The following ACSL5 variants were observed in gnomAD, a reference collection of about 807,000 sequenced individuals.
The protein encoded by ACSL5 is long-chain-fatty-acid--CoA ligase 5.
In ACSL5, 50 loss-of-function variants were observed where a neutral mutation model predicts 84.9. The observed-to-expected ratio is 0.59, with a 90% CI of 0.47 to 0.75. The LOEUF (loss-of-function observed/expected upper bound fraction) is 0.75. Among genes scored for constraint, ACSL5 ranks in the 30% least tolerant of loss-of-function variants. ACSL5 has a pLI of 0.00. For synonymous variants in ACSL5, 280 were observed against 300.7 expected (o/e 0.93, Z 0.71); for missense variants, 775 against 830.4 (o/e 0.93, Z 0.82).
chr10:112,422,244 G>A, intron 16 of ACSL5, 81 bp from the exon 17 acceptor site: 4 of 1,225,418 alleles, frequency 3.3e-6, no homozygotes, highest in Non-Finnish European at 4.7e-6. Flanking sequence ...ATGATTTAAG[G>A]GGAGCAGGTG....
At position 112,374,151 on chromosome 10, in the gene ACSL5, C is replaced by G. The variant is rs1849198495; in HGVS notation, c.-148C>G. The G allele has an allele frequency of 6.6e-6, 1 of 152,122 alleles. No individual in the cohort carries two copies. Among genetic ancestry groups the G allele is most frequent in the Non-Finnish European group, 1.5e-5 (1 of 68,050 alleles). The allele number at this position is 152,122 out of a possible 1,614,324, so 9.4% of individuals were successfully genotyped here. A position where few individuals can be genotyped will look rare whatever the true frequency, so the allele number is the denominator to read the frequency against. On this transcript the variant is annotated 5_prime_UTR_variant, in exon 1 of 21. Transcript: ENST00000354655. ...CAGTACACAGTAGCTTCGGGTGTGTCCCAGTCAGTCCTAGGAGCTGTGGAA... is the reference window on the plus strand; with the variant it reads ...CAGTACACAGTAGCTTCGGGTGTGTGCCAGTCAGTCCTAGGAGCTGTGGAA...
At chr10:112,416,033 T>C (rs1844305586) in intron 12 of ACSL5, among the ~76,000 whole-genome samples, 3 of 152,100 alleles carry the variant, frequency 2.0e-5, no homozygotes, top group African/African-American at 7.2e-5. Context: ...GAAATCATTT[T>C]AGTAGGAAGG....
intron 3 of ACSL5, among the ~76,000 whole-genome samples, chr10:112,401,947 T>TTCTCTCTC (rs57651640): frequency 7.1e-6 from 1 of 140,372 alleles, no homozygotes; most frequent in Admixed American, 7.5e-5. Context: ...TTCTCTTTCT[T>TTCTCTCTC]TCTCTCTCTC....
intron 3 of ACSL5, among the ~76,000 whole-genome samples, chr10:112,401,784 TTC>T (rs552983651): frequency 7.8e-4 from 100 of 127,920 alleles, no homozygotes; most frequent in African/African-American, 2.5e-3. Flanking sequence ...TTTTCTTTCT[TTC>T]TCTTTCTTTC....
At chr10:112,399,210 A>C (rs1843818852) in intron 3 of ACSL5, among the ~76,000 whole-genome samples, 1 of 152,182 alleles carries the variant, frequency 6.6e-6, no homozygotes, top group Non-Finnish European at 1.5e-5. Context: ...TTAGGTTTGA[A>C]ACCTGGTTCT....
At chr10:112,404,860 T>C in intron 5 of ACSL5, 54 bp downstream of exon 5, 1 of 1,466,072 alleles carries the variant, frequency 6.8e-7, no homozygotes. Context: ...GTTTAAAAAC[T>C]TCAAATGCTA....
chr10:112,416,756 C>A, intron 12 of ACSL5, 132 bp from the exon 13 acceptor site: 2 of 973,474 alleles, frequency 2.1e-6, no homozygotes, highest in Non-Finnish European at 3.1e-6. Context: ...CATTATTCAG[C>A]AATCCAATTC....
chr10:112,422,173 CCTATCCCCTATAGTGGAGACTTAGATCT>C, intron 16 of ACSL5, 124 bp from the exon 17 acceptor site: 1 of 1,124,008 alleles, frequency 8.9e-7, no homozygotes, highest in Non-Finnish European at 1.3e-6. Context: ...ACTTCACTTT[CCTATCCCCTATAGTGGAGACTTAGATCT>C]GGTGCTCTTC....
At chr10:112,383,400 G>A (rs1268546484) in intron 1 of ACSL5, among the ~76,000 whole-genome samples, 1 of 152,248 alleles carries the variant, frequency 6.6e-6, no homozygotes, top group Non-Finnish European at 1.5e-5. Context: ...GTGAATGGCT[G>A]GGAAGTTATC....
chr10:112,405,159 TTGCA>T (rs1289755797), intron 5 of ACSL5, among the ~76,000 whole-genome samples: 1 of 152,204 alleles, frequency 6.6e-6, no homozygotes, highest in African/African-American at 2.4e-5. Context: ...GAACTGAAAC[TTGCA>T]ATTTGTAATT....
At chr10:112,406,957 T>TA (rs1331808660) in intron 5 of ACSL5, among the ~76,000 whole-genome samples, 8 of 152,096 alleles carry the variant, frequency 5.3e-5, no homozygotes, top group Non-Finnish European at 1.2e-4. Flanking sequence ...TAATTGGACT[T>TA]ACAGTTCCAC....
At chr10:112,393,254 T>A (rs1161487543) in intron 1 of ACSL5, among the ~76,000 whole-genome samples, 1 of 152,196 alleles carries the variant, frequency 6.6e-6, no homozygotes, top group Non-Finnish European at 1.5e-5. Context: ...ACCTGGCTTT[T>A]ATTTTTGTTT....
intron 19 of ACSL5, chr10:112,426,564 G>A (rs771999965): frequency 1.5e-5 from 9 of 618,950 alleles, no homozygotes; most frequent in African/African-American, 5.6e-5. Context: ...GGAAAAGATT[G>A]GGAAAGAAGA....
intron 5 of ACSL5, 39 bp from the exon 6 acceptor site, chr10:112,408,383 T>C (rs745803420): frequency 5.5e-6 from 7 of 1,277,678 alleles, no homozygotes; most frequent in Non-Finnish European, 5.7e-6. Flanking sequence ...TACTCTTCAG[T>C]GTGCCCTCCA....
At chr10:112,391,256 G>T (rs1010546833) in intron 1 of ACSL5, among the ~76,000 whole-genome samples, 2 of 152,050 alleles carry the variant, frequency 1.3e-5, no homozygotes, top group South Asian at 4.1e-4. Context: ...GCAGGCACCT[G>T]CTACTCAGGA....
intron 1 of ACSL5, among the ~76,000 whole-genome samples, chr10:112,374,810 C>T (rs1849207290): frequency 6.6e-6 from 1 of 152,166 alleles, no homozygotes; most frequent in Non-Finnish European, 1.5e-5. Context: ...GGCTGTTAAA[C>T]AGCATGGCCT....
chr10:112,420,717 T>A (rs1306128784), intron 14 of ACSL5, among the ~76,000 whole-genome samples: 1 of 151,938 alleles, frequency 6.6e-6, no homozygotes, highest in Non-Finnish European at 1.5e-5. Context: ...TTTTCTTTTT[T>A]TTCTTTTTTT....
At chr10:112,425,743 A>T (rs942213974) in intron 18 of ACSL5, 14 of 350,110 alleles carry the variant, frequency 4.0e-5, no homozygotes, top group African/African-American at 3.0e-4. Flanking sequence ...TCAGTAAAAA[A>T]TGAGCTCCAC....
At chr10:112,404,886 T>G in intron 5 of ACSL5, 80 bp downstream of exon 5, 1 of 1,259,568 alleles carries the variant, frequency 7.9e-7, no homozygotes, top group Middle Eastern at 2.0e-4. Flanking sequence ...CGTCCAGCAT[T>G]CCAACACTTG....
Sources: allele counts gnomAD v4.1 joint callset (sites outside exome capture counted in the v4.1 genomes callset), GRCh38; gene constraint gnomAD v4.1.1; transcripts MANE v1.5; gene names NCBI Gene and HGNC (gene_info 2026-07-23, HGNC 2026-07-21).